B4GALNT3: variants seen among roughly 807,000 people sequenced by gnomAD.
B4GALNT3 encodes beta-1,4-N-acetyl-galactosaminyltransferase 3.
A neutral mutation model predicts 120.2 loss-of-function variants in B4GALNT3; 86 were observed. The observed-to-expected ratio is 0.72, with a 90% CI of 0.60 to 0.86. The LOEUF is 0.86. Ranked by LOEUF, B4GALNT3 falls within the 40% of genes least tolerant of loss-of-function variation. The pLI, the probability that B4GALNT3 is intolerant of heterozygous loss-of-function variation, is 0.00. For missense variants in B4GALNT3, 1,167 were observed against 1,298.9 expected (o/e 0.90, Z 1.56); for synonymous variants, 518 against 510.4 (o/e 1.01, Z -0.20).
rs1369281049 is a variant in B4GALNT3, at chr12:553,381, G to A, written c.1458G>A (p.Leu486=). Residue 486 remains leucine (L), a synonymous_variant, in exon 14 of 20, where the codon CTG becomes CTA. Transcript: ENST00000266383. ...TCCTGGCTCAGCCCCGGGAGGGCCT[G>A]CTGGCCCCCTTCTCCAAGCGGAACT... ...RKLLAQPREG[L]LAPFSKRNST... is the part of the protein sequence containing the mutation. 2 of 1,613,842 alleles carry A rather than the reference G, an allele frequency of 1.2e-6. No homozygotes were observed. Among genetic ancestry groups the A allele is most frequent in the Admixed American group, 1.7e-5 (1 of 60,034 alleles).
intron 1 of B4GALNT3, among the ~76,000 whole-genome samples, chr12:476,849 T>C (rs1190230824): frequency 6.6e-6 from 1 of 152,152 alleles, no homozygotes; most frequent in African/African-American, 2.4e-5. Context: ...AAAGCAGAAG[T>C]CCAGAGATTT....
chr12:549,749 T>C lies in B4GALNT3; in HGVS notation c.854-20T>C, dbSNP rs1336308158. The C allele has an allele frequency of 6.2e-7, 1 of 1,613,610 alleles. No homozygotes were observed. On this transcript the variant is annotated intron_variant, in intron 9 of 19. Coordinates refer to ENST00000266383, the MANE Select transcript of B4GALNT3 (RefSeq NM_173593.4). The stretch of plus-strand genomic sequence containing the variant: ...CTCCAGGCCACACAGCCTCCTGCTT[T>C]CTTTCCTCCCTGCGCCCAGATGAGA...
chr12:547,674 C>G (rs535451024), intron 7 of B4GALNT3, among the ~76,000 whole-genome samples: 1 of 152,242 alleles, frequency 6.6e-6, no homozygotes, highest in Non-Finnish European at 1.5e-5. Flanking sequence ...TTCTGTGCCT[C>G]TGTGTTCTCC....
At chr12:514,205 T>TG (rs1467045099) in intron 1 of B4GALNT3, among the ~76,000 whole-genome samples, 2 of 150,912 alleles carry the variant, frequency 1.3e-5, no homozygotes, top group Non-Finnish European at 3.0e-5. Context: ...TTTGTTTTTT[T>TG]TTTTTTTTTT....
intron 1 of B4GALNT3, among the ~76,000 whole-genome samples, chr12:495,042 G>T (rs1946375965): frequency 6.6e-6 from 1 of 152,218 alleles, no homozygotes; most frequent in African/African-American, 2.4e-5. Context: ...TAAATAATAA[G>T]AATGTGTGGA....
intron 17 of B4GALNT3, 50 bp downstream of exon 17, chr12:558,138 A>G (rs1370296653): frequency 1.3e-6 from 2 of 1,586,290 alleles, no homozygotes; most frequent in East Asian, 2.2e-5. Flanking sequence ...GCTGGTTAAG[A>G]GGTAGAGAGA....
intron 1 of B4GALNT3, among the ~76,000 whole-genome samples, chr12:473,749 G>A (rs1180902379): frequency 6.6e-6 from 1 of 152,180 alleles, no homozygotes; most frequent in Non-Finnish European, 1.5e-5. Flanking sequence ...TGCTCTGGGT[G>A]TTAGGGAGAT....
intron 1 of B4GALNT3, among the ~76,000 whole-genome samples, chr12:512,143 C>CGCCTTCT (rs1946581469): frequency 1.2e-5 from 1 of 80,316 alleles, no homozygotes; most frequent in Non-Finnish European, 2.4e-5. Flanking sequence ...TTCCACCTTC[C>CGCCTTCT]ACCTTCCGCC....
intron 4 of B4GALNT3, 83 bp from the exon 5 acceptor site, chr12:544,799 C>T: frequency 5.0e-6 from 7 of 1,395,748 alleles, no homozygotes; most frequent in Admixed American, 1.8e-5. Flanking sequence ...TCATAGTCCC[C>T]TCCTGGTCTT....
In B4GALNT3 at chr12:483,658, A is replaced by G. The variant is rs372431530; in HGVS notation, c.169+23113A>G. On this transcript the variant is annotated intron_variant, in intron 1 of 19. Coordinates refer to ENST00000266383, the MANE Select transcript of B4GALNT3 (RefSeq NM_173593.4). ...GGTTGCAGAGAGCTGAGGTCATGCC[A>G]CTGCACTCCAGCCTGGGCAACATAG... is the stretch of plus-strand genomic sequence containing the variant. Among the ~76,000 whole-genome samples, 6 of 152,316 alleles carry G rather than the reference A, an allele frequency of 3.9e-5. No individual in the cohort carries two copies. The East Asian group carries it at 1.2e-3, about 29-fold the overall frequency.
intron 1 of B4GALNT3, among the ~76,000 whole-genome samples, chr12:484,815 C>A (rs118104784): frequency 0.043 from 5,980 of 140,440 alleles, 148 homozygotes; most frequent in African/African-American, 0.073. Flanking sequence ...AAAAAAAAAA[C>A]CACTCGTTTT....
intron 1 of B4GALNT3, among the ~76,000 whole-genome samples, chr12:507,653 A>T (rs1407971389): frequency 6.6e-6 from 1 of 152,194 alleles, no homozygotes; most frequent in Non-Finnish European, 1.5e-5. Flanking sequence ...AAGAGTTTAC[A>T]TCTGTGGTGG....
intron 6 of B4GALNT3, among the ~76,000 whole-genome samples, chr12:545,700 A>AGCGAG (rs1565608135): frequency 1.2e-4 from 11 of 91,034 alleles, no homozygotes; most frequent in South Asian, 4.5e-4. Context: ...TGTGGGGAGG[A>AGCGAG]GTGAGGAATG....
Position 536,241 on chromosome 12 carries a change from G to A in B4GALNT3, c.297G>A (p.Val99=). 1 of 1,614,116 alleles carries A rather than the reference G, an allele frequency of 6.2e-7. No individual in the cohort carries two copies. The highest frequency in any genetic ancestry group is 1.1e-5 in the South Asian group (1 of 91,078). The change falls in exon 3 of 20, where the codon GTG becomes GTA. Residue 99 remains valine (V), a synonymous_variant. Coordinates refer to ENST00000266383, the MANE Select transcript of B4GALNT3 (RefSeq NM_173593.4). ...AGGACCACGACATTGACCAAGGGGT[G>A]AGCAGTAACAGCAGCTACTTGAAGT... ...SLEDHDIDQG[V]SSNSSYLKWN...
At chr12:486,724 G>A (rs750409478) in intron 1 of B4GALNT3, among the ~76,000 whole-genome samples, 1 of 152,036 alleles carries the variant, frequency 6.6e-6, no homozygotes, top group Admixed American at 6.6e-5. Context: ...ATCTGCTCCT[G>A]GACACCTAAC....
chr12:482,134 A>G (rs215226), intron 1 of B4GALNT3, among the ~76,000 whole-genome samples: 54,177 of 152,058 alleles, frequency 0.36, 10,294 homozygotes, highest in Middle Eastern at 0.48. Context: ...GATACTTGTA[A>G]CACACATAGG....
At chr12:483,358 G>A (rs215227) in intron 1 of B4GALNT3, among the ~76,000 whole-genome samples, 37,232 of 152,152 alleles carry the variant, frequency 0.24, 5,035 homozygotes, top group Middle Eastern at 0.4. Flanking sequence ...TAGCTTTGCT[G>A]TTACAAGGCA....
chr12:494,778 G>A (rs1042092098), intron 1 of B4GALNT3, among the ~76,000 whole-genome samples: 1 of 151,974 alleles, frequency 6.6e-6, no homozygotes, highest in South Asian at 2.1e-4. Flanking sequence ...GCAGTGATGG[G>A]GGGAGTAAAC....
At chr12:557,827 G>GGTAGAGCCAGGGTAGAGCCTGGGTAAA in intron 16 of B4GALNT3, 66 bp downstream of exon 16, 1 of 1,536,946 alleles carries the variant, frequency 6.5e-7, no homozygotes, top group Non-Finnish European at 8.8e-7. Context: ...AGGGCTGCTG[G>GGTAGAGCCAGGGTAGAGCCTGGGTAAA]GTCCAGGGTA....
Sources: allele counts gnomAD v4.1 joint callset (sites outside exome capture counted in the v4.1 genomes callset), GRCh38; gene constraint gnomAD v4.1.1; transcripts MANE v1.5; gene names NCBI Gene and HGNC (gene_info 2026-07-23, HGNC 2026-07-21).